The following ABL2 variants were observed in gnomAD, a reference collection of about 807,000 sequenced individuals.
The protein encoded by ABL2 is tyrosine-protein kinase ABL2.
ABL2 carries 49 observed loss-of-function variants against 107.7 expected under a neutral mutation model. The ratio of observed to expected loss-of-function variants is 0.45; its 90% CI spans 0.36 to 0.58. The LOEUF (loss-of-function observed/expected upper bound fraction) is 0.58, where lower values mean the gene tolerates loss of function less well. Among genes scored for constraint, ABL2 ranks in the 20% least tolerant of loss-of-function variants. The probability of loss-of-function intolerance (pLI) is 0.00; values close to 1 mark genes in which losing one functional copy is unlikely to be tolerated. For missense variants in ABL2, 1,245 were observed against 1,457.0 expected, an observed-to-expected ratio of 0.85 and a Z score of 2.37; for synonymous variants, 549 against 548.6, an observed-to-expected ratio of 1.00 and a Z score of -0.01.
chr1:179,109,034 A>AGCCCC lies in ABL2; in HGVS notation c.2232_2233insGGGGC (p.Trp745GlyfsTer14). ...GTAAAGAAGCCTGTGATGCCAGACC[A>AGCCCC]CCCACCCCCAGCAGTGCCACTGCCC... On this transcript the variant is annotated frameshift_variant, in exon 12 of 12. Transcript: ENST00000502732. LOFTEE classifies it high-confidence loss of function. 1 of 1,431,770 alleles carries AGCCCC rather than the reference A, an allele frequency of 7.0e-7. No homozygotes were observed. Among genetic ancestry groups the AGCCCC allele is most frequent in the Non-Finnish European group, 9.5e-7 (1 of 1,047,342 alleles). 88.7% of individuals were successfully genotyped at this position (1,431,770 alleles called of 1,614,324 possible).
chr1:179,113,186 T>C (rs1265603038), intron 9 of ABL2, among the ~76,000 whole-genome samples: 1 of 152,178 alleles, frequency 6.6e-6, no homozygotes, highest in East Asian at 1.9e-4. Context: ...ACTGCTAGAA[T>C]TACAGGTGTG....
chr1:179,105,075 G>A lies in ABL2; in HGVS notation c.*2643C>T, dbSNP rs963634194. The stretch of plus-strand genomic sequence containing the variant: ...CATAGTTCAAGCATCATGTGGACGG[G>A]GTATGCTCCAATAGTCAATGCCACT... On this transcript the variant is annotated 3_prime_UTR_variant, in exon 12 of 12. Coordinates refer to ENST00000502732, the MANE Select transcript of ABL2 (RefSeq NM_007314.4). 4.3e-6 allele frequency: 1 copy of A among 230,192 alleles called. No homozygotes were observed. Among genetic ancestry groups the A allele is most frequent in the Admixed American group, 5.7e-5 (1 of 17,696 alleles). 14.3% of individuals were successfully genotyped at this position (230,192 alleles called of 1,614,324 possible).
chr1:179,217,350 G>C (rs530441599), intron 1 of ABL2, among the ~76,000 whole-genome samples: 3 of 150,224 alleles, frequency 2.0e-5, no homozygotes, highest in Admixed American at 6.6e-5. Context: ...GCTCAGTCAG[G>C]TGTGGTGGCT....
intron 1 of ABL2, among the ~76,000 whole-genome samples, chr1:179,227,768 T>C (rs1663300854): frequency 6.6e-6 from 1 of 152,126 alleles, no homozygotes; most frequent in South Asian, 2.1e-4. Flanking sequence ...ATAGGAGACA[T>C]GTGGCCAGGC....
chr1:179,140,466 T>A (rs961779006), intron 1 of ABL2, among the ~76,000 whole-genome samples: 3 of 152,220 alleles, frequency 2.0e-5, no homozygotes, highest in Non-Finnish European at 4.4e-5. Context: ...CCAAACATAG[T>A]GTATAATTTA....
intron 1 of ABL2, among the ~76,000 whole-genome samples, chr1:179,213,187 A>T (rs1309068550): frequency 1.3e-5 from 2 of 152,162 alleles, no homozygotes; most frequent in Non-Finnish European, 2.9e-5. Flanking sequence ...ACATGTAATC[A>T]ATATAAAAAA....
chr1:179,211,191 T>C (rs1662251710), intron 1 of ABL2, among the ~76,000 whole-genome samples: 1 of 152,118 alleles, frequency 6.6e-6, no homozygotes, highest in African/African-American at 2.4e-5. Context: ...GTGATGAAGA[T>C]AGGATTTCAT....
chr1:179,196,273 C>T (rs1335982538), intron 1 of ABL2, among the ~76,000 whole-genome samples: 3 of 152,160 alleles, frequency 2.0e-5, no homozygotes, highest in Admixed American at 1.3e-4. Context: ...TCAAAATGCA[C>T]CCCCATTTCC....
chr1:179,153,659 T>A (rs1269956238), intron 1 of ABL2, among the ~76,000 whole-genome samples: 1 of 152,090 alleles, frequency 6.6e-6, no homozygotes, highest in Non-Finnish European at 1.5e-5. Context: ...ATCACATGTA[T>A]AAAGACCAAA....
chr1:179,177,284 A>G (rs776283061), intron 1 of ABL2, among the ~76,000 whole-genome samples: 13 of 152,212 alleles, frequency 8.5e-5, no homozygotes, highest in Non-Finnish European at 7.3e-5. Context: ...CTGCTATACT[A>G]AGCATCCTGA....
At chr1:179,127,927 C>T (rs1428856898) in intron 3 of ABL2, among the ~76,000 whole-genome samples, 1 of 151,104 alleles carries the variant, frequency 6.6e-6, no homozygotes, top group Admixed American at 6.6e-5. Context: ...CCCAGCTACT[C>T]GGGAGGCTGA....
At chr1:179,180,534 T>C (rs1189050721) in intron 1 of ABL2, among the ~76,000 whole-genome samples, 2 of 151,954 alleles carry the variant, frequency 1.3e-5, no homozygotes, top group African/African-American at 4.8e-5. Context: ...ACTTCACTAG[T>C]GGAATAAAAA....
intron 4 of ABL2, 120 bp from the exon 5 acceptor site, chr1:179,121,987 G>A (rs1655253853): frequency 8.2e-6 from 8 of 970,556 alleles, no homozygotes; most frequent in Non-Finnish European, 1.1e-5. Flanking sequence ...GTGCACTGGC[G>A]CGATCTCGGC....
At chr1:179,164,305 ATAGT>A (rs1659255868) in intron 1 of ABL2, among the ~76,000 whole-genome samples, 1 of 152,224 alleles carries the variant, frequency 6.6e-6, no homozygotes, top group Non-Finnish European at 1.5e-5. Context: ...CATAGGACAC[ATAGT>A]TATTATTGAA....
chr1:179,138,946 A>AGCAGCCG (rs1557947049), intron 1 of ABL2, among the ~76,000 whole-genome samples: 2 of 152,028 alleles, frequency 1.3e-5, no homozygotes, highest in African/African-American at 4.8e-5. Flanking sequence ...CGGAGCAGCC[A>AGCAGCCG]GCCAGCCCTG....
At chr1:179,148,056 T>TG (rs1658126536) in intron 1 of ABL2, among the ~76,000 whole-genome samples, 2 of 149,486 alleles carry the variant, frequency 1.3e-5, no homozygotes, top group Non-Finnish European at 3.0e-5. Flanking sequence ...TTTTTTTTTT[T>TG]GAGACAAAGT....
chr1:179,112,523 A>G (rs999780917), intron 9 of ABL2, 125 bp from the exon 10 acceptor site: 2 of 655,978 alleles, frequency 3.0e-6, no homozygotes, highest in African/African-American at 1.8e-5. Context: ...GCATGTTCAC[A>G]ATGATAGCAA....
chr1:179,201,971 G>T, intron 1 of ABL2: 1 of 1,112,270 alleles, frequency 9.0e-7, no homozygotes, highest in South Asian at 3.4e-5. Context: ...CAATCTCAGG[G>T]GTCCGAGGAA....
intron 1 of ABL2, among the ~76,000 whole-genome samples, chr1:179,191,559 T>C (rs777635278): frequency 1.3e-4 from 19 of 151,990 alleles, no homozygotes; most frequent in Non-Finnish European, 1.9e-4. Flanking sequence ...TAGCTGGGAT[T>C]ACAGGCATGT....
Sources: gnomAD v4.1 joint callset for allele counts (sites outside exome capture counted in the v4.1 genomes callset) on GRCh38, gnomAD v4.1.1 for gene constraint, MANE v1.5 for transcripts, NCBI Gene and HGNC (gene_info 2026-07-23, HGNC 2026-07-21) for gene names.